BCAT1: variants seen among roughly 807,000 people sequenced by gnomAD.
BCAT1 encodes the protein branched-chain-amino-acid aminotransferase, cytosolic.
Under a neutral mutation model 52.4 loss-of-function variants are expected in BCAT1, and 48 were observed. The ratio of observed to expected loss-of-function variants is 0.92; its 90% CI spans 0.73 to 1.16. The LOEUF is 1.16. Ranked by LOEUF, BCAT1 falls within the 50% of genes most tolerant of loss-of-function variation. The probability of loss-of-function intolerance (pLI) is 0.00; values close to 1 mark genes in which losing one functional copy is unlikely to be tolerated. For missense variants in BCAT1, 451 were observed against 457.1 expected, an observed-to-expected ratio of 0.99 and a Z score of 0.12; for synonymous variants, 167 against 161.3, an observed-to-expected ratio of 1.04 and a Z score of -0.27.
At chr12:24,925,313 T>A (rs117895407) in intron 1 of BCAT1, among the ~76,000 whole-genome samples, 132 of 152,238 alleles carry the variant, frequency 8.7e-4, no homozygotes, top group Non-Finnish European at 1.4e-3. Flanking sequence ...GACTGCAACA[T>A]CAACTCTTAC....
intron 8 of BCAT1, chr12:24,834,131 A>G: frequency 6.1e-6 from 6 of 979,846 alleles, no homozygotes; most frequent in Non-Finnish European, 6.1e-6. Context: ...CGGCTTACCT[A>G]TATCTTTTAT....
At chr12:24,857,836 T>C (rs1169731644) in intron 5 of BCAT1, among the ~76,000 whole-genome samples, 3 of 152,188 alleles carry the variant, frequency 2.0e-5, no homozygotes, top group Admixed American at 6.5e-5. Context: ...CTTTTAACCT[T>C]GGTGTGTAAT....
intron 1 of BCAT1, among the ~76,000 whole-genome samples, chr12:24,907,466 G>A (rs1481663856): frequency 1.3e-5 from 2 of 152,208 alleles, no homozygotes; most frequent in Non-Finnish European, 2.9e-5. Context: ...CAGATGGCCT[G>A]AAGCAACTGA....
chr12:24,850,050 AATTACAGGAGCT>A (rs1941461132), intron 5 of BCAT1, 101 bp from the exon 6 acceptor site: 1 of 1,129,750 alleles, frequency 8.9e-7, no homozygotes. Flanking sequence ...GAAGCCATCG[AATTACAGGAGCT>A]ATTACCATAC....
chr12:24,855,039 C>T (rs1941631995), intron 5 of BCAT1, among the ~76,000 whole-genome samples: 1 of 152,072 alleles, frequency 6.6e-6, no homozygotes, highest in South Asian at 2.1e-4. Context: ...AGAGAAAGTC[C>T]AGTCATCCTG....
At position 24,833,818 on chromosome 12, in the gene BCAT1, C is replaced by CTTTTTT. The variant is rs778891194; in HGVS notation, c.904-956_904-955insAAAAAA. 2.3e-3 allele frequency: 340 copies of CTTTTTT among 145,886 alleles called. 2 individuals carry two copies. Among genetic ancestry groups the CTTTTTT allele is most frequent in the East Asian group, 7.5e-3 (37 of 4,908 alleles). 9.0% of individuals were successfully genotyped at this position (145,886 alleles called of 1,614,324 possible). Reference sequence around the variant, plus strand: ...TTTGGTACTCTTTCTACGTTTGTCTCTTTCTTTTTTTTTTTTTTTTAAGAC... The same window carrying CTTTTTT: ...TTTGGTACTCTTTCTACGTTTGTCTCTTTTTTTTTCTTTTTTTTTTTTTTTTAAGAC... On this transcript the variant is annotated intron_variant, in intron 8 of 10. Coordinates refer to ENST00000261192, the MANE Select transcript of BCAT1 (RefSeq NM_005504.7).
chr12:24,848,056 CCCATCCTTTTGGTTA>C (rs1178179180), intron 6 of BCAT1, among the ~76,000 whole-genome samples: 1 of 152,144 alleles, frequency 6.6e-6, no homozygotes, highest in Non-Finnish European at 1.5e-5. Context: ...AGGTTAAATG[CCCATCCTTTTGGTTA>C]CCACCTTCCC....
intron 8 of BCAT1, among the ~76,000 whole-genome samples, chr12:24,835,075 C>T (rs547661199): frequency 1.3e-5 from 2 of 152,286 alleles, no homozygotes; most frequent in African/African-American, 2.4e-5. Context: ...TGCAACTTGT[C>T]GTCGAACCTT....
At chr12:24,847,656 A>T (rs1452558508) in intron 6 of BCAT1, among the ~76,000 whole-genome samples, 3 of 152,156 alleles carry the variant, frequency 2.0e-5, no homozygotes, top group Non-Finnish European at 4.4e-5. Flanking sequence ...ATTCCTCCCA[A>T]ATTAACCAAG....
chr12:24,841,600 A>T (rs1270740567), intron 7 of BCAT1, among the ~76,000 whole-genome samples: 1 of 152,202 alleles, frequency 6.6e-6, no homozygotes, highest in Non-Finnish European at 1.5e-5. Context: ...AAACCTCTAG[A>T]GCTTCTTTAA....
intron 5 of BCAT1, among the ~76,000 whole-genome samples, chr12:24,864,458 G>T (rs1478147522): frequency 6.6e-6 from 1 of 152,208 alleles, no homozygotes; most frequent in Non-Finnish European, 1.5e-5. Flanking sequence ...TGTCAATGGA[G>T]CAGTATGTGT....
At chr12:24,890,154 G>A (rs1358030086) in intron 3 of BCAT1, among the ~76,000 whole-genome samples, 1 of 152,028 alleles carries the variant, frequency 6.6e-6, no homozygotes, top group Non-Finnish European at 1.5e-5. Flanking sequence ...CAGAAGAGGG[G>A]GTCATGGGAA....
At chr12:24,851,627 G>A (rs1433376983) in intron 5 of BCAT1, among the ~76,000 whole-genome samples, 3 of 152,180 alleles carry the variant, frequency 2.0e-5, no homozygotes, top group Admixed American at 6.5e-5. Flanking sequence ...AGAGAAATCC[G>A]TCAGCAAGCA....
chr12:24,875,837 A>C (rs1942319969), intron 5 of BCAT1, among the ~76,000 whole-genome samples: 1 of 152,210 alleles, frequency 6.6e-6, no homozygotes, highest in South Asian at 2.1e-4. Flanking sequence ...GAATTTACTG[A>C]ATCATGGAAT....
intron 5 of BCAT1, among the ~76,000 whole-genome samples, chr12:24,855,419 T>C (rs994611332): frequency 6.6e-6 from 1 of 152,170 alleles, no homozygotes; most frequent in Non-Finnish European, 1.5e-5. Context: ...CTCGCTCTCT[T>C]GCCCAGGGTG....
chr12:24,943,841 G>A (rs12229613), intron 1 of BCAT1, among the ~76,000 whole-genome samples: 16,537 of 151,928 alleles, frequency 0.11, 1,063 homozygotes, highest in East Asian at 0.23. Context: ...AAAATTAGCC[G>A]GGCGTGGTGG....
At chr12:24,873,489 G>T (rs1239947217) in intron 5 of BCAT1, among the ~76,000 whole-genome samples, 4 of 152,132 alleles carry the variant, frequency 2.6e-5, no homozygotes, top group African/African-American at 7.2e-5. Flanking sequence ...TTAAATATTT[G>T]TGTACCATAC....
intron 1 of BCAT1, among the ~76,000 whole-genome samples, chr12:24,932,218 C>T (rs1591886517): frequency 6.6e-6 from 1 of 152,176 alleles, no homozygotes; most frequent in South Asian, 2.1e-4. Flanking sequence ...CCATCTACTA[C>T]TCAAAACCTC....
intron 2 of BCAT1, among the ~76,000 whole-genome samples, chr12:24,897,334 AG>A (rs1942984573): frequency 6.6e-6 from 1 of 152,234 alleles, no homozygotes; most frequent in Non-Finnish European, 1.5e-5. Context: ...GGATAGAATA[AG>A]GTAATTTTTA....
Sources: allele counts gnomAD v4.1 joint callset (sites outside exome capture counted in the v4.1 genomes callset), GRCh38; gene constraint gnomAD v4.1.1; transcripts MANE v1.5; gene names NCBI Gene and HGNC (gene_info 2026-07-23, HGNC 2026-07-21).